The following KRTAP19-5 variants were observed in gnomAD, a reference collection of about 807,000 sequenced individuals.
KRTAP19-5 encodes the protein keratin-associated protein 19-5.
For synonymous variants in KRTAP19-5, 44 were observed against 40.7 expected (o/e 1.08, Z -0.31); for missense variants, 91 against 96.1 (o/e 0.95, Z 0.22).
the KRTAP19-5 span, chr21:30,501,953 G>C: frequency 5.6e-6 from 9 of 1,613,956 alleles, no homozygotes; most frequent in Non-Finnish European, 7.6e-6. Context: ...AGCCAGAGCC[G>C]TATCCGTAGC....
Position 30,501,976 on chromosome 21 carries a change from C to G in KRTAP19-5, c.115G>C (p.Gly39Arg), listed in dbSNP as rs761275320. The G allele has an allele frequency of 6.2e-6, 10 of 1,613,994 alleles. No homozygotes were observed. Residue 39 changes from glycine (G) to arginine (R), a missense_variant, in exon 1 of 1, where the codon GGT becomes CGT. By Grantham distance (125) the Gly-to-Arg change is moderately radical (BLOSUM62 -2). Coordinates refer to ENST00000334151, the MANE Select transcript of KRTAP19-5 (RefSeq NM_181611.3). ...CCGTATCCGTAGCCTCCGTAGCCAC[C>G]GCCATAGCCCAGTCTGCGGAAGCTG... ...CGSFRRLGYG[G>R]GYGGYGYGSG... is the part of the protein sequence containing the mutation.
chr21:30,501,753 T>G lies in KRTAP19-5; in HGVS notation c.*119A>C. On this transcript the variant is annotated 3_prime_UTR_variant, in exon 1 of 1. Coordinates refer to ENST00000334151, the MANE Select transcript of KRTAP19-5 (RefSeq NM_181611.3). ...GGAATGATAGGTATTCTTAAACCTCTTAGATGCTAACTGCTCTTGATCTTG... is the reference window on the plus strand; with the variant it reads ...GGAATGATAGGTATTCTTAAACCTCGTAGATGCTAACTGCTCTTGATCTTG... 1 of 875,612 alleles carries G rather than the reference T, an allele frequency of 1.1e-6. No homozygotes were observed. The highest frequency in any genetic ancestry group is 1.9e-6 in the Non-Finnish European group (1 of 529,062). 54.2% of individuals were successfully genotyped at this position (875,612 alleles called of 1,614,324 possible).
chr21:30,501,838 A>C lies in KRTAP19-5; in HGVS notation c.*34T>G. On this transcript the variant is annotated 3_prime_UTR_variant, in exon 1 of 1. Transcript: ENST00000334151. ...GCAGTCAGGTTTGGGTGATCTTCTT[A>C]TGTCCCCTCATGTTAGGTTGTCAGG... 1 of 1,598,320 alleles carries C rather than the reference A, an allele frequency of 6.3e-7. No individual in the cohort carries two copies.
In KRTAP19-5 at chr21:30,501,999, C is replaced by G; in HGVS notation, c.92G>C (p.Ser31Thr). 1 of 1,614,162 alleles carries G rather than the reference C, an allele frequency of 6.2e-7. No homozygotes were observed. The highest frequency in any genetic ancestry group is 8.5e-7 in the Non-Finnish European group (1 of 1,180,004). The change falls in exon 1 of 1, where the codon AGC (serine) becomes ACC (threonine). Residue 31 changes from serine (S) to threonine (T), a missense_variant. Physicochemically the swap from Ser to Thr is moderately conservative, Grantham distance 58 (BLOSUM62 1). Coordinates refer to ENST00000334151, the MANE Select transcript of KRTAP19-5 (RefSeq NM_181611.3). ...ACCGCCATAGCCCAGTCTGCGGAAG[C>G]TGCCACATCCACAGCCATAGCCATA... ...LGYGYGCGCG[S>T]FRRLGYGGGY...
In KRTAP19-5 at chr21:30,501,895, A is replaced by G. The variant is rs1337286043; in HGVS notation, c.196T>C (p.Tyr66His). 3 of 1,613,992 alleles carry G rather than the reference A, an allele frequency of 1.9e-6. No homozygotes were observed. Among genetic ancestry groups the G allele is most frequent in the Non-Finnish European group, 2.5e-6 (3 of 1,180,020 alleles). Residue 66 changes from tyrosine to histidine, a missense_variant, in exon 1 of 1, where the codon TAT (tyrosine) becomes CAT (histidine). Coordinates refer to ENST00000334151, the MANE Select transcript of KRTAP19-5 (RefSeq NM_181611.3). ...RSCRPSCYGG[Y>H]GFSGFY ...TTTCAATAAAATCCAGAGAATCCATATCCTCCATAGCATGATGGACGGCAG... is the reference window on the plus strand; with the variant it reads ...TTTCAATAAAATCCAGAGAATCCATGTCCTCCATAGCATGATGGACGGCAG...
Position 30,501,793 on chromosome 21 carries a change from G to T in KRTAP19-5, c.*79C>A. ...TCTTGATCTTGGCTTGATCCAGGGT[G>T]ACCTCGTTTGTTTGTTATTGCAGTC... On this transcript the variant is annotated 3_prime_UTR_variant, in exon 1 of 1. Coordinates refer to ENST00000334151, the MANE Select transcript of KRTAP19-5 (RefSeq NM_181611.3). 1 of 1,339,924 alleles carries T rather than the reference G, an allele frequency of 7.5e-7. No individual in the cohort carries two copies. Among genetic ancestry groups the T allele is most frequent in the Non-Finnish European group, 1.1e-6 (1 of 933,528 alleles). 83.0% of individuals were successfully genotyped at this position (1,339,924 alleles called of 1,614,324 possible).
chr21:30,501,824 TG>T lies in KRTAP19-5; in HGVS notation c.*47del. 1 of 1,571,242 alleles carries T rather than the reference TG, an allele frequency of 6.4e-7. No individual in the cohort carries two copies. Among genetic ancestry groups the T allele is most frequent in the Non-Finnish European group, 8.8e-7 (1 of 1,141,194 alleles). On this transcript the variant is annotated 3_prime_UTR_variant, in exon 1 of 1. Coordinates refer to ENST00000334151, the MANE Select transcript of KRTAP19-5 (RefSeq NM_181611.3). ...GTTTGTTTGTTATTGCAGTCAGGTT[TG>T]GGTGATCTTCTTATGTCCCCTCATG...
At position 30,502,137 on chromosome 21, in the gene KRTAP19-5, AGT is replaced by A. The variant is rs764050734; in HGVS notation, c.-49_-48del. 28 of 1,481,936 alleles carry A rather than the reference AGT, an allele frequency of 1.9e-5. No individual in the cohort carries two copies. The East Asian group carries it at 3.4e-4, about 18-fold the overall frequency. The allele number at this position is 1,481,936 out of a possible 1,614,324, so 91.8% of individuals were successfully genotyped here. ...GTATGCTGCTCAAGGCAAGATCCTG[AGT>A]GTGAACACCAGCATGTGTAGGAGGC... On this transcript the variant is annotated 5_prime_UTR_variant, in exon 1 of 1. Coordinates refer to ENST00000334151, the MANE Select transcript of KRTAP19-5 (RefSeq NM_181611.3).
In KRTAP19-5 at chr21:30,501,924, C is replaced by T. The variant is rs370451401; in HGVS notation, c.167G>A (p.Arg56His). 24 of 1,613,972 alleles carry T rather than the reference C, an allele frequency of 1.5e-5. No homozygotes were observed. The highest frequency in any genetic ancestry group is 3.3e-5 in the South Asian group (3 of 91,084). Residue 56 changes from arginine (R) to histidine (H), a missense_variant, in exon 1 of 1, where the codon CGC (arginine) becomes CAC (histidine). Arg to His is a conservative substitution (Grantham distance 29). Transcript: ENST00000334151. The stretch of plus-strand genomic sequence containing the variant: ...TCCATAGCATGATGGACGGCAGCTG[C>T]GGTATCCATAGCCTCCGAAGCCAGA... ...YGSGFGGYGY[R>H]SCRPSCYGGY...
Position 30,501,758 on chromosome 21 carries a change from T to G in KRTAP19-5, c.*114A>C. 1 of 913,652 alleles carries G rather than the reference T, an allele frequency of 1.1e-6. No homozygotes were observed. Among genetic ancestry groups the G allele is most frequent in the Non-Finnish European group, 1.8e-6 (1 of 560,014 alleles). 56.6% of individuals were successfully genotyped at this position (913,652 alleles called of 1,614,324 possible). A position where few individuals can be genotyped will look rare whatever the true frequency, so the allele number is the denominator to read the frequency against. On this transcript the variant is annotated 3_prime_UTR_variant, in exon 1 of 1. Coordinates refer to ENST00000334151, the MANE Select transcript of KRTAP19-5 (RefSeq NM_181611.3). ...GATAGGTATTCTTAAACCTCTTAGA[T>G]GCTAACTGCTCTTGATCTTGGCTTG...
rs1601041014 is a variant in KRTAP19-5, at chr21:30,501,680, A to G, written c.*192T>C. ...AAAGGAACAGAGAAACCCCACAGTT[A>G]TAAAGGTACAAGTAAGACACATCCA... On this transcript the variant is annotated 3_prime_UTR_variant, in exon 1 of 1. Coordinates refer to ENST00000334151, the MANE Select transcript of KRTAP19-5 (RefSeq NM_181611.3). 1.7e-6 allele frequency: 1 copy of G among 574,564 alleles called. No homozygotes were observed. The highest frequency in any genetic ancestry group is 3.1e-6 in the Non-Finnish European group (1 of 321,700). The allele number at this position is 574,564 out of a possible 1,614,324, so 35.6% of individuals were successfully genotyped here.
In KRTAP19-5 at chr21:30,501,906, C is replaced by A; in HGVS notation, c.185G>T (p.Cys62Phe). 1 of 1,614,120 alleles carries A rather than the reference C, an allele frequency of 6.2e-7. No individual in the cohort carries two copies. The highest frequency in any genetic ancestry group is 8.5e-7 in the Non-Finnish European group (1 of 1,180,010). Residue 62 changes from cysteine (C) to phenylalanine (F), a missense_variant, in exon 1 of 1, where the codon TGC (cysteine) becomes TTC (phenylalanine). By Grantham distance (205) the Cys-to-Phe change is radical. Transcript: ENST00000334151. ...GYGYRSCRPS[C>F]YGGYGFSGFY is the part of the protein sequence containing the mutation. The stretch of plus-strand genomic sequence containing the variant: ...TCCAGAGAATCCATATCCTCCATAG[C>A]ATGATGGACGGCAGCTGCGGTATCC...
At position 30,502,003 on chromosome 21, in the gene KRTAP19-5, C is replaced by T; in HGVS notation, c.88G>A (p.Gly30Ser). The change falls in exon 1 of 1, where the codon GGC (glycine) becomes AGC (serine). Residue 30 changes from glycine (G) to serine (S), a missense_variant. Transcript: ENST00000334151. The stretch of plus-strand genomic sequence containing the variant: ...CCATAGCCCAGTCTGCGGAAGCTGC[C>T]ACATCCACAGCCATAGCCATAGCCC... ...DLGYGYGCGCGSFRRLGYGGG... is the reference protein window; with the variant it reads ...DLGYGYGCGCSSFRRLGYGGG... The T allele has an allele frequency of 6.2e-7, 1 of 1,614,090 alleles. No individual in the cohort carries two copies. Among genetic ancestry groups the T allele is most frequent in the African/African-American group, 1.3e-5 (1 of 75,028 alleles).
Position 30,501,995 on chromosome 21 carries a change from G to A in KRTAP19-5, c.96C>T (p.Phe32=), listed in dbSNP as rs1463409488. 1.9e-6 allele frequency: 3 copies of A among 1,614,040 alleles called. No homozygotes were observed. In the African/African-American group the frequency reaches 4.0e-5, roughly 22 times the overall value. Residue 32 remains phenylalanine (F), a synonymous_variant, in exon 1 of 1, where the codon TTC becomes TTT. Coordinates refer to ENST00000334151, the MANE Select transcript of KRTAP19-5 (RefSeq NM_181611.3). ...AGCCACCGCCATAGCCCAGTCTGCGGAAGCTGCCACATCCACAGCCATAGC... is the reference window on the plus strand; with the variant it reads ...AGCCACCGCCATAGCCCAGTCTGCGAAAGCTGCCACATCCACAGCCATAGC... The part of the protein sequence containing the change: ...GYGYGCGCGS[F]RRLGYGGGYG...
chr21:30,501,670 C>T lies in KRTAP19-5; in HGVS notation c.*202G>A, dbSNP rs1439940340. 2.0e-5 allele frequency: 11 copies of T among 546,924 alleles called. No homozygotes were observed. The highest frequency in any genetic ancestry group is 1.9e-4 in the Admixed American group (6 of 32,318). The allele number at this position is 546,924 out of a possible 1,614,324, so 33.9% of individuals were successfully genotyped here. A position where few individuals can be genotyped will look rare whatever the true frequency, so the allele number is the denominator to read the frequency against. ...ATTTATTCTAAAAGGAACAGAGAAACCCCACAGTTATAAAGGTACAAGTAA... is the reference window on the plus strand; with the variant it reads ...ATTTATTCTAAAAGGAACAGAGAAATCCCACAGTTATAAAGGTACAAGTAA... On this transcript the variant is annotated 3_prime_UTR_variant, in exon 1 of 1. Coordinates refer to ENST00000334151, the MANE Select transcript of KRTAP19-5 (RefSeq NM_181611.3).
Position 30,501,788 on chromosome 21 carries a change from A to G in KRTAP19-5, c.*84T>C. On this transcript the variant is annotated 3_prime_UTR_variant, in exon 1 of 1. Transcript: ENST00000334151. ...ACTGCTCTTGATCTTGGCTTGATCCAGGGTGACCTCGTTTGTTTGTTATTG... is the reference window on the plus strand; with the variant it reads ...ACTGCTCTTGATCTTGGCTTGATCCGGGGTGACCTCGTTTGTTTGTTATTG... The G allele has an allele frequency of 2.3e-6, 3 of 1,297,010 alleles. No homozygotes were observed. Among genetic ancestry groups the G allele is most frequent in the Admixed American group, 3.4e-5 (2 of 58,948 alleles). 80.3% of individuals were successfully genotyped at this position (1,297,010 alleles called of 1,614,324 possible). A position where few individuals can be genotyped will look rare whatever the true frequency, so the allele number is the denominator to read the frequency against.
chr21:30,502,064 T>G lies in KRTAP19-5; in HGVS notation c.27A>C (p.Gly9=), dbSNP rs1373816237. 6 of 1,613,952 alleles carry G rather than the reference T, an allele frequency of 3.7e-6. No individual in the cohort carries two copies. Among genetic ancestry groups the G allele is most frequent in the Non-Finnish European group, 5.1e-6 (6 of 1,180,014 alleles). MNYYGNYY[G]GLGYGYGGFD... is the part of the protein sequence containing the mutation. Reference sequence around the variant, plus strand: ...AGCCTCCGTAGCCGTAGCCCAGGCCTCCATAGTAGTTGCCGTAGTAGTTCA... The same window carrying G: ...AGCCTCCGTAGCCGTAGCCCAGGCCGCCATAGTAGTTGCCGTAGTAGTTCA... Residue 9 remains glycine, a synonymous_variant, in exon 1 of 1, where the codon GGA becomes GGC. Transcript: ENST00000334151.
chr21:30,502,110 T>G lies in KRTAP19-5; in HGVS notation c.-20A>C. On this transcript the variant is annotated 5_prime_UTR_variant, in exon 1 of 1. Coordinates refer to ENST00000334151, the MANE Select transcript of KRTAP19-5 (RefSeq NM_181611.3). ...GTTCATGGTGTCAGGAGTGGTGAGT[T>G]GGTATGCTGCTCAAGGCAAGATCCT... 1 of 1,602,322 alleles carries G rather than the reference T, an allele frequency of 6.2e-7. No individual in the cohort carries two copies. The highest frequency in any genetic ancestry group is 8.6e-7 in the Non-Finnish European group (1 of 1,169,254).
Position 30,501,899 on chromosome 21 carries a change from T to C in KRTAP19-5, c.192A>G (p.Gly64=). ...AATAAAATCCAGAGAATCCATATCC[T>C]CCATAGCATGATGGACGGCAGCTGC... ...GYRSCRPSCY[G]GYGFSGFY Residue 64 remains glycine (G), a synonymous_variant, in exon 1 of 1, where the codon GGA becomes GGG. Coordinates refer to ENST00000334151, the MANE Select transcript of KRTAP19-5 (RefSeq NM_181611.3). The C allele has an allele frequency of 6.2e-7, 1 of 1,614,064 alleles. No individual in the cohort carries two copies. Among genetic ancestry groups the C allele is most frequent in the Non-Finnish European group, 8.5e-7 (1 of 1,180,004 alleles).
Sources: allele counts gnomAD v4.1 joint callset, GRCh38; gene constraint gnomAD v4.1.1; transcripts MANE v1.5; gene names NCBI Gene and HGNC (gene_info 2026-07-23, HGNC 2026-07-21).